The following TRPM3 variants were observed in gnomAD, a reference collection of about 807,000 sequenced individuals.
TRPM3 encodes long transient receptor potential channel 3.
TRPM3 carries 77 observed loss-of-function variants against 181.2 expected under a neutral mutation model. The observed-to-expected ratio is 0.42, with a 90% confidence interval of 0.35 to 0.51. The LOEUF (loss-of-function observed/expected upper bound fraction) is 0.51, where lower values mean the gene tolerates loss of function less well. Among genes scored for constraint, TRPM3 ranks in the 20% least tolerant of loss-of-function variants. TRPM3 has a pLI of 0.01. For missense variants in TRPM3, 1,759 were observed against 2,196.7 expected (o/e 0.80, Z 3.98); for synonymous variants, 745 against 796.4 (o/e 0.94, Z 1.09).
intron 1 of TRPM3, among the ~76,000 whole-genome samples, chr9:71,311,268 A>G (rs909863153): frequency 1.3e-5 from 2 of 152,172 alleles, no homozygotes; most frequent in African/African-American, 4.8e-5. Flanking sequence ...TGCTGTGTAT[A>G]ACATCAGAAC....
intron 1 of TRPM3, among the ~76,000 whole-genome samples, chr9:71,204,859 T>C (rs1472414282): frequency 6.6e-6 from 1 of 152,186 alleles, no homozygotes; most frequent in Non-Finnish European, 1.5e-5. Flanking sequence ...GTGGCACATA[T>C]ACACCATGGA....
chr9:70,888,497 A>G (rs571771527), intron 1 of TRPM3, among the ~76,000 whole-genome samples: 1 of 152,000 alleles, frequency 6.6e-6, no homozygotes, highest in African/African-American at 2.4e-5. Flanking sequence ...AAAGTTTACT[A>G]TTTTTTATTA....
At chr9:71,414,453 T>C (rs1213419714) in intron 1 of TRPM3, among the ~76,000 whole-genome samples, 1 of 152,088 alleles carries the variant, frequency 6.6e-6, no homozygotes, top group African/African-American at 2.4e-5. Context: ...AGAGAACTAA[T>C]ATGAACAAAA....
chr9:71,145,174 C>T (rs769875954), intron 1 of TRPM3, among the ~76,000 whole-genome samples: 19 of 152,042 alleles, frequency 1.2e-4, no homozygotes, highest in East Asian at 3.9e-4. Context: ...AAAGAGTCAA[C>T]GGTCACATGC....
chr9:71,179,496 A>T (rs969780191), intron 1 of TRPM3, among the ~76,000 whole-genome samples: 1 of 152,138 alleles, frequency 6.6e-6, no homozygotes, highest in African/African-American at 2.4e-5. Context: ...TAAAATGCAT[A>T]CTATGTAAAA....
intron 1 of TRPM3, among the ~76,000 whole-genome samples, chr9:71,011,009 CA>C (rs1314805482): frequency 2.0e-5 from 3 of 151,836 alleles, no homozygotes; most frequent in Non-Finnish European, 4.4e-5. Context: ...TCATTTGTGG[CA>C]TCATGAATGA....
intron 1 of TRPM3, among the ~76,000 whole-genome samples, chr9:71,272,313 A>G (rs1047499605): frequency 7.2e-5 from 11 of 152,228 alleles, no homozygotes; most frequent in African/African-American, 2.7e-4. Context: ...TGACAAAAAC[A>G]ATTTTTAAAA....
chr9:70,830,581 A>G (rs2093827029), intron 5 of TRPM3, among the ~76,000 whole-genome samples: 2 of 152,200 alleles, frequency 1.3e-5, no homozygotes, highest in South Asian at 4.1e-4. Flanking sequence ...TTGTCTGCTG[A>G]ATAATAAGGG....
Position 71,006,968 on chromosome 9 carries a change from G to A in TRPM3, c.177+114210C>T, listed in dbSNP as rs533957251. On this transcript the variant is annotated intron_variant, in intron 1 of 25. Coordinates refer to ENST00000677713, the MANE Select transcript of TRPM3 (RefSeq NM_001366145.2). ...GCAAGAGAATCACTTGAACCTGGGA[G>A]GCAGAAGTTGCAGTGAGCCGAGATA... Among the ~76,000 whole-genome samples, 4 of 145,674 alleles carry A rather than the reference G, an allele frequency of 2.7e-5. No individual in the cohort carries two copies. The South Asian group carries it at 8.7e-4, about 32-fold the overall frequency.
chr9:71,327,844 C>T (rs1016574715), intron 1 of TRPM3, among the ~76,000 whole-genome samples: 1 of 152,102 alleles, frequency 6.6e-6, no homozygotes. Context: ...ACATTGACTG[C>T]TTCCAAAAAG....
At chr9:71,272,286 A>G (rs2083865032) in intron 1 of TRPM3, among the ~76,000 whole-genome samples, 1 of 152,250 alleles carries the variant, frequency 6.6e-6, no homozygotes, top group African/African-American at 2.4e-5. Context: ...AATTGCACAT[A>G]GGTCAATTTT....
chr9:70,802,223 A>G (rs910554030), intron 6 of TRPM3, among the ~76,000 whole-genome samples: 2 of 152,252 alleles, frequency 1.3e-5, no homozygotes, highest in African/African-American at 4.8e-5. Flanking sequence ...CCATGGAATG[A>G]GATTGAAATA....
At chr9:70,591,235 CAA>C (rs1324628023) in intron 21 of TRPM3, 30 bp from the exon 22 acceptor site, 1 of 1,586,108 alleles carries the variant, frequency 6.3e-7, no homozygotes, top group Admixed American at 1.7e-5. Flanking sequence ...GAGGGAGAAA[CAA>C]GAGAAAACCC....
At chr9:70,859,823 T>C (rs1207101592) in intron 3 of TRPM3, among the ~76,000 whole-genome samples, 4 of 152,178 alleles carry the variant, frequency 2.6e-5, no homozygotes, top group Admixed American at 6.5e-5. Flanking sequence ...TAACAGTGTC[T>C]CACTTACTGT....
At chr9:71,429,728 C>A (rs893131806) in intron 1 of TRPM3, among the ~76,000 whole-genome samples, 2 of 152,188 alleles carry the variant, frequency 1.3e-5, no homozygotes, top group Admixed American at 1.3e-4. Flanking sequence ...GTTACACAGT[C>A]CCCCAATTCA....
chr9:70,994,012 G>C (rs188492288), intron 1 of TRPM3, among the ~76,000 whole-genome samples: 59 of 152,210 alleles, frequency 3.9e-4, no homozygotes, highest in Admixed American at 3.5e-3. Flanking sequence ...GGTACAACTA[G>C]GGAGTGAGAA....
chr9:71,385,006 T>C (rs1449386658), intron 1 of TRPM3, among the ~76,000 whole-genome samples: 1 of 152,208 alleles, frequency 6.6e-6, no homozygotes, highest in Non-Finnish European at 1.5e-5. Flanking sequence ...TAGAAAATGT[T>C]GCATCTTCTG....
At position 70,695,149 on chromosome 9, in the gene TRPM3, C is replaced by G. The variant is rs2069936467; in HGVS notation, c.1273-13571G>C. On this transcript the variant is annotated intron_variant, in intron 8 of 25. Transcript: ENST00000677713. ...ACAACAACTGGATGTATTTTATACT[C>G]TGGCTCAGAGAGGACAGATTGTGTA... Among the ~76,000 whole-genome samples the G allele has an allele frequency of 2.0e-5, 3 of 152,318 alleles. No homozygotes were observed. The South Asian group carries it at 6.2e-4, about 32-fold the overall frequency.
rs1253251476 is a variant in TRPM3 at position 70,536,952 on chromosome 9, T to C, written c.4161A>G (p.Lys1387=). 1 of 1,614,130 alleles carries C rather than the reference T, an allele frequency of 6.2e-7. No individual in the cohort carries two copies. The highest frequency in any genetic ancestry group is 2.2e-5 in the East Asian group (1 of 44,882). Residue 1387 remains lysine, a synonymous_variant, in exon 26 of 26, where the codon AAA becomes AAG. Coordinates refer to ENST00000677713, the MANE Select transcript of TRPM3 (RefSeq NM_001366145.2). ...HRATSSHSVA[K]EPKAPAAPAN... is the part of the protein sequence containing the mutation. ...CAGGGGCTGCAGGAGCTTTGGGTTC[T>C]TTTGCTACAGAGTGGGAACTAGTAG...
Sources: allele counts gnomAD v4.1 joint callset (sites outside exome capture counted in the v4.1 genomes callset), GRCh38; gene constraint gnomAD v4.1.1; transcripts MANE v1.5; gene names NCBI Gene and HGNC (gene_info 2026-07-23, HGNC 2026-07-21).